Variants in NOP14 observed in about 807,000 individuals in gnomAD.
NOP14 encodes the protein NOP14 nucleolar protein, also known as nucleolar protein 14.
Under a neutral mutation model 101.6 loss-of-function variants are expected in NOP14, and 57 were observed. The observed-to-expected ratio is 0.56, with a 90% confidence interval of 0.45 to 0.70. The LOEUF (loss-of-function observed/expected upper bound fraction) is 0.70, where lower values mean the gene tolerates loss of function less well. NOP14 is among the 30% of genes least tolerant of loss of function. NOP14 has a pLI of 0.00. For missense variants in NOP14, 1,134 were observed against 1,075.5 expected, an observed-to-expected ratio of 1.05 and a Z score of -0.76; for synonymous variants, 428 against 424.0, an observed-to-expected ratio of 1.01 and a Z score of -0.12.
chr4:2,962,477 A>T (rs1716097959), intron 1 of NOP14, among the ~76,000 whole-genome samples: 1 of 152,144 alleles, frequency 6.6e-6, no homozygotes, highest in African/African-American at 2.4e-5. Context: ...ATTTACCTTT[A>T]TCTCCCCGAA....
chr4:2,955,126 C>T (rs1715261255), intron 3 of NOP14, among the ~76,000 whole-genome samples: 2 of 143,400 alleles, frequency 1.4e-5, no homozygotes, highest in South Asian at 4.5e-4. Flanking sequence ...CGCCACAGCG[C>T]CCCCTCTAGT....
intron 15 of NOP14, chr4:2,940,693 T>C (rs1714095619): frequency 6.6e-6 from 1 of 152,512 alleles, no homozygotes; most frequent in East Asian, 1.9e-4. Context: ...ACAAGGACGG[T>C]GTAACGTGCC....
Position 2,963,210 on chromosome 4 carries a change from T to A in NOP14, c.110A>T (p.Asn37Ile). ...GCCCAGGATCTGGAACTTCTGCCTG[T>A]TAACTTTCACCTCGAACGGATTGGA... is the stretch of plus-strand genomic sequence containing the variant. ...ANSNPFEVKV[N>I]RQKFQILGRK... The change falls in exon 1 of 18, where the codon AAC (asparagine) becomes ATC (isoleucine). Residue 37 changes from asparagine (N) to isoleucine (I), a missense_variant. Transcript: ENST00000416614. 6.3e-7 allele frequency: 1 copy of A among 1,587,800 alleles called. No individual in the cohort carries two copies. The highest frequency in any genetic ancestry group is 1.8e-5 in the Admixed American group (1 of 56,408).
chr4:2,955,505 A>G (rs1428189137), intron 3 of NOP14, among the ~76,000 whole-genome samples: 1 of 125,852 alleles, frequency 7.9e-6, no homozygotes, highest in Non-Finnish European at 1.7e-5. Flanking sequence ...AGTCACCTGC[A>G]CCACAGCGCC....
In NOP14 at chr4:2,950,217, C is replaced by T; in HGVS notation, c.1003-4G>A. 1 of 1,613,014 alleles carries T rather than the reference C, an allele frequency of 6.2e-7. No individual in the cohort carries two copies. Among genetic ancestry groups the T allele is most frequent in the Non-Finnish European group, 8.5e-7 (1 of 1,179,942 alleles). On this transcript the variant is annotated splice_polypyrimidine_tract_variant and splice_region_variant and intron_variant, in intron 7 of 17. Transcript: ENST00000416614. ...CCTCGACATTCATCTTTCCATCCTA[C>T]CAAGAGCGTGGAAACCACAGGGCAT...
intron 15 of NOP14, chr4:2,940,416 G>A (rs1429787897): frequency 6.6e-6 from 1 of 152,228 alleles, no homozygotes; most frequent in Non-Finnish European, 1.5e-5. Flanking sequence ...TCAAGGGCCT[G>A]ACTGGCCCAG....
chr4:2,954,958 G>A (rs370237837), intron 3 of NOP14, among the ~76,000 whole-genome samples: 58 of 152,082 alleles, frequency 3.8e-4, no homozygotes, highest in African/African-American at 1.4e-3. Context: ...GCAGGGCCTG[G>A]AGACTCTAGT....
chr4:2,959,127 GA>G (rs994997333), intron 1 of NOP14, among the ~76,000 whole-genome samples: 1 of 152,232 alleles, frequency 6.6e-6, no homozygotes, highest in Admixed American at 6.5e-5. Context: ...TCTGCTACCT[GA>G]AGAGTAGGAA....
chr4:2,942,649 A>T (rs1488823701), intron 13 of NOP14, among the ~76,000 whole-genome samples: 1 of 152,194 alleles, frequency 6.6e-6, no homozygotes. Flanking sequence ...CGCTCAGGCC[A>T]CATCCGGGAA....
intron 13 of NOP14, among the ~76,000 whole-genome samples, chr4:2,942,657 G>A (rs918935030): frequency 6.6e-6 from 1 of 152,200 alleles, no homozygotes; most frequent in African/African-American, 2.4e-5. Context: ...CCACATCCGG[G>A]AACAGACTGA....
rs200345387 is a variant in NOP14 at position 2,960,876 on chromosome 4, CATTATT to C, written c.195+2243_195+2248del. Among the ~76,000 whole-genome samples, 45 of 90,184 alleles carry C rather than the reference CATTATT, an allele frequency of 5.0e-4. No individual in the cohort carries two copies. In the East Asian group the frequency reaches 6.3e-3, roughly 13 times the overall value. The allele number at this position is 90,184 out of a possible 152,430, so 59.2% of individuals were successfully genotyped here. On this transcript the variant is annotated intron_variant, in intron 1 of 17. Coordinates refer to ENST00000416614, the MANE Select transcript of NOP14 (RefSeq NM_001291978.2). ...TATCAATATATTAATATTATAATTA[CATTATT>C]ATTATATTATTATATCAATATTATA...
rs1310141093 is a variant in NOP14 at position 2,938,149 on chromosome 4, T to C, written c.*682A>G. On this transcript the variant is annotated 3_prime_UTR_variant, in exon 18 of 18. Coordinates refer to ENST00000416614, the MANE Select transcript of NOP14 (RefSeq NM_001291978.2). The stretch of plus-strand genomic sequence containing the variant: ...ATTCATTCTATTTCATCAGGTGACG[T>C]TTTAACAGAAACAAAACCGCAGGCA... 4 of 1,266,162 alleles carry C rather than the reference T, an allele frequency of 3.2e-6. No homozygotes were observed. The highest frequency in any genetic ancestry group is 4.1e-6 in the Non-Finnish European group (4 of 971,812). The allele number at this position is 1,266,162 out of a possible 1,614,324, so 78.4% of individuals were successfully genotyped here.
intron 15 of NOP14, chr4:2,940,567 C>T (rs1714084346): frequency 6.6e-6 from 1 of 152,138 alleles, no homozygotes; most frequent in Non-Finnish European, 1.5e-5. Flanking sequence ...CCTCATCAGC[C>T]TTTGACCAGG....
chr4:2,948,642 A>T (rs1001939462), intron 8 of NOP14, among the ~76,000 whole-genome samples: 3 of 152,120 alleles, frequency 2.0e-5, no homozygotes, highest in East Asian at 3.9e-4. Flanking sequence ...TTCAGTAGAG[A>T]CAGGGCTTCA....
At chr4:2,961,343 AATT>A (rs1715888471) in intron 1 of NOP14, 1 of 23,484 alleles carries the variant, frequency 4.3e-5, no homozygotes, top group African/African-American at 1.2e-4. Context: ...TTATTTTATA[AATT>A]ATTTCAGAAA....
chr4:2,942,275 C>T lies in NOP14; in HGVS notation c.1968G>A (p.Val656=). The change falls in exon 14 of 18, where the codon GTG becomes GTA. Residue 656 remains valine, a synonymous_variant. Transcript: ENST00000416614. ...AGAGGCTGCTCTGCTGCCACGTGGC[C>T]ACATCCTCTCTAGCAGACACCACGA... ...ELLVVSARED[V]ATWQQSSLSL... 1.2e-6 allele frequency: 2 copies of T among 1,614,166 alleles called. No homozygotes were observed. The highest frequency in any genetic ancestry group is 1.7e-6 in the Non-Finnish European group (2 of 1,180,028).
In NOP14 at chr4:2,960,980, ATAT is replaced by A. The variant is rs538978500; in HGVS notation, c.195+2142_195+2144del. Reference sequence around the variant, plus strand: ...TTAATATTATATCAATATTATATTAATATTATATCGATATTATTTTAATATTAT... The same window carrying A: ...TTAATATTATATCAATATTATATTAATATATCGATATTATTTTAATATTAT... On this transcript the variant is annotated intron_variant, in intron 1 of 17. Coordinates refer to ENST00000416614, the MANE Select transcript of NOP14 (RefSeq NM_001291978.2). Among the ~76,000 whole-genome samples the A allele has an allele frequency of 9.9e-5, 4 of 40,430 alleles. 1 individual carries two copies. Among genetic ancestry groups the A allele is most frequent in the Non-Finnish European group, 1.8e-4 (4 of 22,820 alleles). The allele number at this position is 40,430 out of a possible 152,430, so 26.5% of individuals were successfully genotyped here.
At chr4:2,959,991 A>G (rs1299327498) in intron 1 of NOP14, among the ~76,000 whole-genome samples, 3 of 148,638 alleles carry the variant, frequency 2.0e-5, no homozygotes, top group Non-Finnish European at 4.5e-5. Context: ...TTTTTTAAAG[A>G]TGGAATCTCG....
At chr4:2,939,708 C>A in intron 15 of NOP14, 63 bp from the exon 16 acceptor site, 1 of 1,262,542 alleles carries the variant, frequency 7.9e-7, no homozygotes, top group South Asian at 1.2e-5. Flanking sequence ...GAGCTCCACG[C>A]ACGGGTTCTG....
Sources: allele counts gnomAD v4.1 joint callset (sites outside exome capture counted in the v4.1 genomes callset), GRCh38; gene constraint gnomAD v4.1.1; transcripts MANE v1.5; gene names NCBI Gene and HGNC (gene_info 2026-07-23, HGNC 2026-07-21).